The following IL12RB1 variants were observed in gnomAD, a reference collection of about 807,000 sequenced individuals.
IL12RB1 encodes interleukin-12 receptor subunit beta-1.
Under a neutral mutation model 94.4 loss-of-function variants are expected in IL12RB1, and 64 were observed. The observed-to-expected ratio is 0.68, with a 90% CI of 0.55 to 0.83. The LOEUF (loss-of-function observed/expected upper bound fraction) is 0.83, where lower values mean the gene tolerates loss of function less well. IL12RB1 is among the 40% of genes least tolerant of loss of function. The probability of loss-of-function intolerance (pLI) is 0.00; values close to 1 mark genes in which losing one functional copy is unlikely to be tolerated. For synonymous variants in IL12RB1, 362 were observed against 355.5 expected, an observed-to-expected ratio of 1.02 and a Z score of -0.21; for missense variants, 814 against 855.6, an observed-to-expected ratio of 0.95 and a Z score of 0.61.
intron 1 of IL12RB1, among the ~76,000 whole-genome samples, chr19:18,097,426 T>C (rs1169128328): frequency 1.3e-5 from 2 of 152,102 alleles, no homozygotes; most frequent in African/African-American, 2.4e-5. Context: ...CTCGAACTCC[T>C]GACCTCAAGT....
At chr19:18,070,489 G>A (rs1302159095) in intron 9 of IL12RB1, 6 of 980,556 alleles carry the variant, frequency 6.1e-6, no homozygotes, top group Middle Eastern at 5.2e-4. Context: ...TCAGTCCCTG[G>A]GCAAATCTCT....
In IL12RB1 at chr19:18,059,520, GA is replaced by G. The variant is rs2033967452; in HGVS notation, c.*87del. ...GAGGCAGGTGCACTGGAGCCTGGAG[GA>G]GCTCTGGGTTATTTGGGTCCAAATG... On this transcript the variant is annotated 3_prime_UTR_variant, in exon 17 of 17. Coordinates refer to ENST00000593993, the MANE Select transcript of IL12RB1 (RefSeq NM_005535.3). 2.7e-6 allele frequency: 2 copies of G among 754,344 alleles called. No individual in the cohort carries two copies. Among genetic ancestry groups the G allele is most frequent in the South Asian group, 2.8e-5 (2 of 71,208 alleles). 46.7% of individuals were successfully genotyped at this position (754,344 alleles called of 1,614,324 possible).
At chr19:18,082,779 A>C in intron 2 of IL12RB1, among the ~76,000 whole-genome samples, 1 of 152,250 alleles carries the variant, frequency 6.6e-6, no homozygotes. Flanking sequence ...TAGGAGCATA[A>C]ATGTTCCGAC....
intron 1 of IL12RB1, among the ~76,000 whole-genome samples, chr19:18,093,839 A>T (rs907379491): frequency 6.6e-6 from 1 of 152,072 alleles, no homozygotes; most frequent in Admixed American, 6.6e-5. Flanking sequence ...TTAGTGTAGG[A>T]CTGCCAGATA....
intron 4 of IL12RB1, among the ~76,000 whole-genome samples, chr19:18,079,379 C>T (rs2035716316): frequency 6.6e-6 from 1 of 152,110 alleles, no homozygotes; most frequent in Non-Finnish European, 1.5e-5. Context: ...GCTAGGATTA[C>T]AGGCGTGAAC....
chr19:18,082,434 C>T (rs914883134), intron 2 of IL12RB1, among the ~76,000 whole-genome samples, 170 bp from the exon 3 acceptor site: 10 of 152,288 alleles, frequency 6.6e-5, no homozygotes, highest in African/African-American at 2.4e-4. Context: ...ATTCCGAATC[C>T]TCAGCCTCCT....
chr19:18,074,425 G>A (rs2035295455), intron 7 of IL12RB1, among the ~76,000 whole-genome samples: 1 of 152,154 alleles, frequency 6.6e-6, no homozygotes, highest in African/African-American at 2.4e-5. Context: ...GACACCGTGA[G>A]GTTCAGCCTG....
chr19:18,074,144 A>G (rs2035277017), intron 7 of IL12RB1, among the ~76,000 whole-genome samples: 1 of 151,948 alleles, frequency 6.6e-6, no homozygotes, highest in Non-Finnish European at 1.5e-5. Flanking sequence ...TTTTGAATGC[A>G]AATGTATTTC....
intron 12 of IL12RB1, among the ~76,000 whole-genome samples, chr19:18,066,132 G>T (rs2034564428): frequency 6.6e-6 from 1 of 151,394 alleles, no homozygotes; most frequent in South Asian, 2.1e-4. Flanking sequence ...TTCTGAGACA[G>T]AGTCTCACTC....
chr19:18,073,590 G>A lies in IL12RB1; in HGVS notation c.710C>T (p.Pro237Leu). 3.7e-6 allele frequency: 6 copies of A among 1,608,610 alleles called. No homozygotes were observed. Among genetic ancestry groups the A allele is most frequent in the South Asian group, 1.1e-5 (1 of 90,908 alleles). The change falls in exon 8 of 17, where the codon CCA (proline) becomes CTA (leucine). Residue 237 changes from proline (P) to leucine (L), a missense_variant. Coordinates refer to ENST00000593993, the MANE Select transcript of IL12RB1 (RefSeq NM_005535.3). Reference sequence around the variant, plus strand: ...CACCGAGAATCTCACCTGAGGCTGTGGGGGGTTTTCTGCAATCAGAACCAA... The same window carrying A: ...CACCGAGAATCTCACCTGAGGCTGTAGGGGGTTTTCTGCAATCAGAACCAA... ...SPVCVPPENP[P>L]QPQVRFSVEQ...
chr19:18,072,813 G>C lies in IL12RB1; in HGVS notation c.784-464C>G, dbSNP rs565280496. 2.0e-4 allele frequency among the ~76,000 whole-genome samples: 31 copies of C among 152,032 alleles called. No homozygotes were observed. The East Asian group carries it at 5.8e-3, about 29-fold the overall frequency. On this transcript the variant is annotated intron_variant, in intron 8 of 16. Transcript: ENST00000593993. ...ATACAAAAAATTAGCCCGGCATGGTGGTGGGCGCCTGTAGTCCCAGCTACT... is the reference window on the plus strand; with the variant it reads ...ATACAAAAAATTAGCCCGGCATGGTCGTGGGCGCCTGTAGTCCCAGCTACT...
At chr19:18,095,735 C>T (rs992357964) in intron 1 of IL12RB1, among the ~76,000 whole-genome samples, 1 of 152,162 alleles carries the variant, frequency 6.6e-6, no homozygotes, top group African/African-American at 2.4e-5. Context: ...TCCCTGGCAT[C>T]CTGTATTTTT....
chr19:18,080,352 C>T (rs1222285708), intron 4 of IL12RB1, among the ~76,000 whole-genome samples: 3 of 152,110 alleles, frequency 2.0e-5, no homozygotes, highest in African/African-American at 7.2e-5. Context: ...GATTCTCCTG[C>T]CTCAGTCTCC....
At chr19:18,082,294 G>T in intron 2 of IL12RB1, 30 bp from the exon 3 acceptor site, 1 of 1,376,988 alleles carries the variant, frequency 7.3e-7, no homozygotes, top group South Asian at 1.2e-5. Flanking sequence ...CTTGGGAACA[G>T]ACCAGAGTCT....
At chr19:18,073,477 C>T in intron 8 of IL12RB1, 40 bp downstream of exon 8, 1 of 1,275,988 alleles carries the variant, frequency 7.8e-7, no homozygotes, top group Non-Finnish European at 1.1e-6. Flanking sequence ...TCCTGCTCCC[C>T]ATCCCAGGCC....
chr19:18,068,175 G>A (rs930950631), intron 11 of IL12RB1, among the ~76,000 whole-genome samples: 2 of 151,296 alleles, frequency 1.3e-5, no homozygotes, highest in Non-Finnish European at 2.9e-5. Context: ...ACAGGCACCC[G>A]CCACCACACC....
At chr19:18,086,251 A>C (rs1384535501) in intron 1 of IL12RB1, among the ~76,000 whole-genome samples, 31 of 151,230 alleles carry the variant, frequency 2.0e-4, no homozygotes, top group Admixed American at 2.0e-3. Flanking sequence ...TAAATAAATA[A>C]ATAAATAAAT....
chr19:18,088,412 AAGTT>A (rs1425402124), upstream of IL12RB1, among the ~76,000 whole-genome samples: 1 of 111,392 alleles, frequency 9.0e-6, no homozygotes, highest in Non-Finnish European at 2.0e-5. Context: ...TATAAATTAA[AAGTT>A]AGCCAGTCGT....
intron 1 of IL12RB1, among the ~76,000 whole-genome samples, chr19:18,094,112 G>C (rs572963927): frequency 3.4e-4 from 51 of 152,184 alleles, no homozygotes; most frequent in African/African-American, 1.2e-3. Context: ...CAACATATTG[G>C]TTTGTGTTTT....
Sources: gnomAD v4.1 joint callset for allele counts (sites outside exome capture counted in the v4.1 genomes callset) on GRCh38, gnomAD v4.1.1 for gene constraint, MANE v1.5 for transcripts, NCBI Gene and HGNC (gene_info 2026-07-23, HGNC 2026-07-21) for gene names.